The following RHBDF2 variants were observed in gnomAD, a reference collection of about 807,000 sequenced individuals.
RHBDF2 encodes inactive rhomboid protein 2.
A neutral mutation model predicts 95.2 loss-of-function variants in RHBDF2; 38 were observed. The ratio of observed to expected loss-of-function variants is 0.40; its 90% CI spans 0.31 to 0.52. RHBDF2 has a LOEUF of 0.52. Among genes scored for constraint, RHBDF2 ranks in the 20% least tolerant of loss-of-function variants. The pLI, the probability that RHBDF2 is intolerant of heterozygous loss-of-function variation, is 0.56. For synonymous variants in RHBDF2, 442 were observed against 462.0 expected, an observed-to-expected ratio of 0.96 and a Z score of 0.55; for missense variants, 863 against 1,137.7, an observed-to-expected ratio of 0.76 and a Z score of 3.47.
Position 76,487,540 on chromosome 17 carries a change from C to T in RHBDF2, c.-22+172G>A, listed in dbSNP as rs550009949. On this transcript the variant is annotated intron_variant, in intron 2 of 18. Coordinates refer to ENST00000675367, the MANE Select transcript of RHBDF2 (RefSeq NM_001005498.4). ...TGCTGGGATTACAGGCGTGAGCCAC[C>T]GCGCCCGTCCCTTCCCTGCCCTTAT... 2.1e-3 allele frequency: 322 copies of T among 152,562 alleles called. 2 individuals carry two copies. The highest frequency in any genetic ancestry group is 3.9e-3 in the Non-Finnish European group (267 of 68,238). 9.5% of individuals were successfully genotyped at this position (152,562 alleles called of 1,614,324 possible). A position where few individuals can be genotyped will look rare whatever the true frequency, so the allele number is the denominator to read the frequency against.
chr17:76,497,116 G>C lies in RHBDF2; in HGVS notation c.-220+4237C>G, dbSNP rs780137956. Among the ~76,000 whole-genome samples the C allele has an allele frequency of 5.9e-5, 9 of 152,204 alleles. No individual in the cohort carries two copies. The South Asian group carries it at 1.7e-3, about 28-fold the overall frequency. On this transcript the variant is annotated intron_variant, in intron 1 of 18. Transcript: ENST00000675367. ...CAACCTGGGGAGACCCACTGGGAGA[G>C]GGAAAAGGGTTTCTTGCCAGAGACC...
chr17:76,477,254 TG>T lies in RHBDF2; in HGVS notation c.845del (p.Pro282HisfsTer26). On this transcript the variant is annotated frameshift_variant, in exon 8 of 19. Coordinates refer to ENST00000675367, the MANE Select transcript of RHBDF2 (RefSeq NM_001005498.4). LOFTEE classifies it high-confidence loss of function. ...SMPDDVFESP[P>X]LSASYFRGIP... is the part of the protein sequence containing the mutation. ...TCCCTCGGAAGTAGCTGGCAGAGAG[TG>T]GGGGGGACTCAAAGACATCATCAGG... 3 of 1,605,720 alleles carry T rather than the reference TG, an allele frequency of 1.9e-6. No homozygotes were observed. The highest frequency in any genetic ancestry group is 1.7e-5 in the Admixed American group (1 of 57,354).
chr17:76,479,302 T>A (rs1318189812), intron 4 of RHBDF2, 25 bp from the exon 5 acceptor site: 2 of 1,575,784 alleles, frequency 1.3e-6, no homozygotes, highest in Middle Eastern at 1.7e-4. Context: ...AAGGGACAGG[T>A]GGGCATACGC....
chr17:76,489,615 G>A (rs111333621), intron 1 of RHBDF2, among the ~76,000 whole-genome samples: 17 of 152,308 alleles, frequency 1.1e-4, no homozygotes, highest in African/African-American at 2.6e-4. Context: ...GAGCCACCGC[G>A]CCCAGCCGCC....
chr17:76,489,333 T>TC (rs1403520120), intron 1 of RHBDF2, among the ~76,000 whole-genome samples: 1 of 150,132 alleles, frequency 6.7e-6, no homozygotes, highest in Non-Finnish European at 1.5e-5. Context: ...CTGTTTTTTT[T>TC]TTTTTTTTGA....
At chr17:76,498,163 C>T (rs569047132) in intron 1 of RHBDF2, among the ~76,000 whole-genome samples, 185 of 152,214 alleles carry the variant, frequency 1.2e-3, no homozygotes, top group Non-Finnish European at 2.3e-3. Flanking sequence ...CCTGTGAAGC[C>T]GCCCGTGCCC....
At chr17:76,474,837 G>A (rs1240448455) in intron 10 of RHBDF2, 33 bp from the exon 11 acceptor site, 1 of 1,603,808 alleles carries the variant, frequency 6.2e-7, no homozygotes, top group Non-Finnish European at 8.5e-7. Context: ...GAGGGCGTCA[G>A]AACAGTGTGG....
At chr17:76,477,397 C>T in intron 7 of RHBDF2, 99 bp from the exon 8 acceptor site, 13 of 1,411,664 alleles carry the variant, frequency 9.2e-6, no homozygotes, top group Non-Finnish European at 1.2e-5. Context: ...AACAGACGGG[C>T]TCTTCACAAT....
intron 1 of RHBDF2, among the ~76,000 whole-genome samples, chr17:76,491,865 A>G (rs1332380905): frequency 1.3e-5 from 2 of 152,140 alleles, no homozygotes; most frequent in Non-Finnish European, 2.9e-5. Flanking sequence ...AGACAGAAAA[A>G]AGCGCTGGAG....
chr17:76,499,941 G>A (rs537514354), intron 1 of RHBDF2, among the ~76,000 whole-genome samples: 51 of 152,238 alleles, frequency 3.4e-4, no homozygotes, highest in African/African-American at 1.2e-3. Flanking sequence ...ACCTAGACCA[G>A]CTTCCTGCAG....
At chr17:76,486,729 A>AAATAAATAAATAAATAAATAAATC (rs1223988059) in intron 2 of RHBDF2, among the ~76,000 whole-genome samples, 2 of 151,810 alleles carry the variant, frequency 1.3e-5, no homozygotes, top group African/African-American at 2.4e-5. Flanking sequence ...ATAAATAAAT[A>AAATAAATAAATAAATAAATAAATC]AATAAAAACA....
intron 2 of RHBDF2, 137 bp from the exon 3 acceptor site, chr17:76,481,682 C>T (rs1019739785): frequency 1.4e-5 from 10 of 714,716 alleles, no homozygotes; most frequent in Middle Eastern, 4.1e-4. Flanking sequence ...CGGCTGGGCG[C>T]GGTGGCTCAC....
At chr17:76,480,574 C>T (rs905563452) in intron 3 of RHBDF2, among the ~76,000 whole-genome samples, 2 of 151,962 alleles carry the variant, frequency 1.3e-5, no homozygotes, top group Non-Finnish European at 2.9e-5. Flanking sequence ...TTTGCAGAGA[C>T]AGAGTCTTGC....
chr17:76,489,611 C>T (rs1029585950), intron 1 of RHBDF2, among the ~76,000 whole-genome samples: 6 of 152,244 alleles, frequency 3.9e-5, no homozygotes, highest in African/African-American at 1.4e-4. Context: ...GCGTGAGCCA[C>T]CGCGCCCAGC....
chr17:76,481,534 G>A lies in RHBDF2; in HGVS notation c.-10C>T. ...TGTCAGCAGAGGCCATTGTGGGCAG[G>A]AGGCGGGAGGGCTGGAATGGAGACC... On this transcript the variant is annotated 5_prime_UTR_variant, in exon 3 of 19. Coordinates refer to ENST00000675367, the MANE Select transcript of RHBDF2 (RefSeq NM_001005498.4). 6.2e-7 allele frequency: 1 copy of A among 1,605,912 alleles called. No homozygotes were observed. The highest frequency in any genetic ancestry group is 8.5e-7 in the Non-Finnish European group (1 of 1,178,982).
At chr17:76,485,146 G>A (rs1325239566) in intron 2 of RHBDF2, among the ~76,000 whole-genome samples, 1 of 152,120 alleles carries the variant, frequency 6.6e-6, no homozygotes, top group Non-Finnish European at 1.5e-5. Flanking sequence ...GGTGGCTCAT[G>A]CCTGTAATCC....
At position 76,473,697 on chromosome 17, in the gene RHBDF2, T is replaced by A. The variant is rs73998915; in HGVS notation, c.1684A>T (p.Met562Leu). The A allele has an allele frequency of 1.7e-5, 28 of 1,612,438 alleles. No individual in the cohort carries two copies. The highest frequency in any genetic ancestry group is 2.4e-5 in the Non-Finnish European group (28 of 1,179,468). Residue 562 changes from methionine to leucine, a missense_variant, in exon 15 of 19, where the codon ATG (methionine) becomes TTG (leucine). Physicochemically the swap from Met to Leu is conservative, Grantham distance 15 (BLOSUM62 2). Around this residue, in one of 2 missense-constraint regions of RHBDF2, gnomAD observed 252 missense variants for 412.2 expected, o/e 0.61. Transcript: ENST00000675367. Reference protein sequence around the residue: ...ARSNHTGFLHMDCEIKGRPCC... With the variant: ...ARSNHTGFLHLDCEIKGRPCC... ...GGGCGGCCCTTGATCTCGCAGTCCA[T>A]GTGCAGGAAGCCTGTGTGGTTGCTC...
At position 76,501,404 on chromosome 17, in the gene RHBDF2, C is replaced by CGGCT. The variant is rs1206501591; in HGVS notation, c.-275_-272dup. The CGGCT allele has an allele frequency of 6.6e-6, 1 of 152,466 alleles. No homozygotes were observed. The highest frequency in any genetic ancestry group is 1.9e-4 in the East Asian group (1 of 5,202). The allele number at this position is 152,466 out of a possible 1,614,324, so 9.4% of individuals were successfully genotyped here. A position where few individuals can be genotyped will look rare whatever the true frequency, so the allele number is the denominator to read the frequency against. ...CGCAACTCCGTGCGGCGCCTGCGAG[C>CGGCT]GGCTGGGCGGTGGCTCCTCGGGGGC... On this transcript the variant is annotated 5_prime_UTR_variant, in exon 1 of 19. Coordinates refer to ENST00000675367, the MANE Select transcript of RHBDF2 (RefSeq NM_001005498.4).
chr17:76,479,238 C>T lies in RHBDF2; in HGVS notation c.312G>A (p.Glu104=), dbSNP rs2073870431. 4 of 1,607,930 alleles carry T rather than the reference C, an allele frequency of 2.5e-6. No homozygotes were observed. The highest frequency in any genetic ancestry group is 3.4e-6 in the Non-Finnish European group (4 of 1,179,358). The change falls in exon 5 of 19, where the codon GAG becomes GAA. Residue 104 remains glutamate, a synonymous_variant. Transcript: ENST00000675367. ...AQWFGVSGDW[E]GQRQQWQRRS... Reference sequence around the variant, plus strand: ...GGCGCTGCCACTGCTGCCGCTGCCCCTCCCAGTCGCCGCTGACTCCAAACC... The same window carrying T: ...GGCGCTGCCACTGCTGCCGCTGCCCTTCCCAGTCGCCGCTGACTCCAAACC...
Sources: gnomAD v4.1 joint callset for allele counts (sites outside exome capture counted in the v4.1 genomes callset) on GRCh38, gnomAD v4.1.1 for gene constraint, gnomAD v4.1.1 regional missense constraint, MANE v1.5 for transcripts, NCBI Gene and HGNC (gene_info 2026-07-23, HGNC 2026-07-21) for gene names.